The following CUBN variants were observed in gnomAD, a reference collection of about 807,000 sequenced individuals.
CUBN encodes the protein 460 kDa receptor.
Under a neutral mutation model 405.3 loss-of-function variants are expected in CUBN, and 282 were observed. The observed-to-expected ratio is 0.70, with a 90% CI of 0.63 to 0.77. The LOEUF (loss-of-function observed/expected upper bound fraction) is 0.77. CUBN is among the 30% of genes least tolerant of loss of function. The pLI is 0.00. For missense variants in CUBN, 4,514 were observed against 4,475.2 expected, an observed-to-expected ratio of 1.01 and a Z score of -0.25; for synonymous variants, 1,684 against 1,617.0, an observed-to-expected ratio of 1.04 and a Z score of -0.99.
At position 16,890,518 on chromosome 10, in the gene CUBN, C is replaced by T. The variant is rs1233021969; in HGVS notation, c.8608G>A (p.Gly2870Arg). ...AGGGCTTTGTCCACCTCCTCAGTTCCTGCCCACACCTAGCACGGACATACA... is the reference window on the plus strand; with the variant it reads ...AGGGCTTTGTCCACCTCCTCAGTTCTTGCCCACACCTAGCACGGACATACA... ...CQNSFVKVWA[G>R]TEEVDKALLA... The change falls in exon 55 of 67, where the codon GGA becomes AGA. Residue 2870 changes from glycine (G) to arginine (R), a missense_variant. This residue lies in a region of CUBN where 1,186 missense variants were observed against 1,186.9 expected (regional missense o/e 1.00). Coordinates refer to ENST00000377833, the MANE Select transcript of CUBN (RefSeq NM_001081.4). 5 of 1,614,172 alleles carry T rather than the reference C, an allele frequency of 3.1e-6. No individual in the cohort carries two copies. Among genetic ancestry groups the T allele is most frequent in the Non-Finnish European group, 4.2e-6 (5 of 1,180,012 alleles).
At chr10:16,857,932 T>C (rs1343131047) in intron 59 of CUBN, among the ~76,000 whole-genome samples, 5 of 152,120 alleles carry the variant, frequency 3.3e-5, no homozygotes, top group African/African-American at 9.7e-5. Context: ...TGGAAAAACA[T>C]TCTTAGAACT....
intron 27 of CUBN, among the ~76,000 whole-genome samples, chr10:17,025,881 T>C (rs931416973): frequency 6.6e-6 from 1 of 151,972 alleles, no homozygotes; most frequent in East Asian, 1.9e-4. Context: ...GCATGCTGTG[T>C]GTGTGGAAGG....
At position 16,937,837 on chromosome 10, in the gene CUBN, A is replaced by G. The variant is rs549712909; in HGVS notation, c.5734-53T>C. 29 of 1,514,172 alleles carry G rather than the reference A, an allele frequency of 1.9e-5. No individual in the cohort carries two copies. The East Asian group carries it at 3.7e-4, about 19-fold the overall frequency. 93.8% of individuals were successfully genotyped at this position (1,514,172 alleles called of 1,614,324 possible). A position where few individuals can be genotyped will look rare whatever the true frequency, so the allele number is the denominator to read the frequency against. ...TTGTATTATCTATATTTTTCTTCATAAAAAGATAAAATAAAAAAGATGCCT... is the reference window on the plus strand; with the variant it reads ...TTGTATTATCTATATTTTTCTTCATGAAAAGATAAAATAAAAAAGATGCCT... On this transcript the variant is annotated intron_variant, in intron 38 of 66. Transcript: ENST00000377833.
At chr10:17,085,489 G>A (rs1007467410) in intron 16 of CUBN, 108 bp downstream of exon 16, 5 of 1,133,088 alleles carry the variant, frequency 4.4e-6, no homozygotes, top group African/African-American at 1.5e-5. Context: ...AATGTTCTTG[G>A]TCTAAGACAG....
At chr10:17,087,466 C>CTTCT (rs1836139876) in intron 15 of CUBN, among the ~76,000 whole-genome samples, 1 of 79,772 alleles carries the variant, frequency 1.3e-5, no homozygotes, top group East Asian at 3.8e-4. Context: ...TATTATTTTT[C>CTTCT]TTTTTCTTTT....
At chr10:17,087,531 A>T (rs1346539055) in intron 15 of CUBN, among the ~76,000 whole-genome samples, 1 of 126,358 alleles carries the variant, frequency 7.9e-6, no homozygotes, top group African/African-American at 2.9e-5. Flanking sequence ...GCTGGAGTGC[A>T]GTGGCACGAT....
chr10:17,003,071 A>C lies in CUBN; in HGVS notation c.4169-12556T>G, dbSNP rs1588570457. ...AAACAGGATGGGATATAGCATGTAT[A>C]AATGTGAGAGAAAGAATAGTCAGCA... On this transcript the variant is annotated intron_variant, in intron 28 of 66. Coordinates refer to ENST00000377833, the MANE Select transcript of CUBN (RefSeq NM_001081.4). 5.3e-5 allele frequency among the ~76,000 whole-genome samples: 8 copies of C among 152,328 alleles called. 1 individual carries two copies. Among genetic ancestry groups the C allele is most frequent in the Admixed American group, 5.2e-4 (8 of 15,300 alleles).
In CUBN at chr10:16,984,255, A is replaced by C. The variant is rs886046875; in HGVS notation, c.4375T>G (p.Ser1459Ala). Reference protein sequence around the residue: ...LEIYGGPDFHSPRIAQLCTQR... With the variant: ...LEIYGGPDFHAPRIAQLCTQR... The stretch of plus-strand genomic sequence containing the variant: ...GTACACAGTTGGGCTATTCTGGGAG[A>C]GTGGAAATCGGGGCCTCCATAGATC... The change falls in exon 30 of 67, where the codon TCT becomes GCT. Residue 1459 changes from serine to alanine, a missense_variant. By Grantham distance (99) the Ser-to-Ala change is moderately conservative (BLOSUM62 1). Around this residue, in one of 5 missense-constraint regions of CUBN, gnomAD observed 1,613 missense variants for 1,542.8 expected, o/e 1.05. Coordinates refer to ENST00000377833, the MANE Select transcript of CUBN (RefSeq NM_001081.4). 15 of 1,613,952 alleles carry C rather than the reference A, an allele frequency of 9.3e-6. No homozygotes were observed. The highest frequency in any genetic ancestry group is 1.3e-5 in the Non-Finnish European group (15 of 1,180,016).
At chr10:17,067,263 T>C (rs1176088257) in intron 21 of CUBN, among the ~76,000 whole-genome samples, 2 of 152,112 alleles carry the variant, frequency 1.3e-5, no homozygotes, top group Non-Finnish European at 2.9e-5. Flanking sequence ...ATCTCACAGA[T>C]TTTTTAAGCT....
In CUBN at chr10:16,950,093, G is replaced by C. The variant is rs1464176870; in HGVS notation, c.4988C>G (p.Ser1663Cys). 6.2e-7 allele frequency: 1 copy of C among 1,613,554 alleles called. No individual in the cohort carries two copies. The highest frequency in any genetic ancestry group is 1.7e-5 in the Admixed American group (1 of 60,008). The change falls in exon 34 of 67, where the codon TCT becomes TGT. Residue 1663 changes from serine to cysteine, a missense_variant. Physicochemically the swap from Ser to Cys is moderately radical, Grantham distance 112. This residue lies in a region of CUBN where 1,613 missense variants were observed against 1,542.8 expected (regional missense o/e 1.05). Coordinates refer to ENST00000377833, the MANE Select transcript of CUBN (RefSeq NM_001081.4). ...TCTTTCAAGTTCAAAGTGGGTAAAA[G>C]AGAGGGTGATATGATTTACTGGAAG... ...AQPPLNHITL[S>C]FTHFELERST...
Position 17,065,129 on chromosome 10 carries a change from T to TCC in CUBN, c.3139+377_3139+378dup, listed in dbSNP as rs11368099. On this transcript the variant is annotated intron_variant, in intron 22 of 66. Coordinates refer to ENST00000377833, the MANE Select transcript of CUBN (RefSeq NM_001081.4). ...TTACTTTATCATTTCTCTCTCTCTC[T>TCC]CCCCCCCCCCCCACACACACATGCA... 1.1e-3 allele frequency among the ~76,000 whole-genome samples: 128 copies of TCC among 121,500 alleles called. 1 individual carries two copies. The East Asian group carries it at 0.013, about 12-fold the overall frequency. The allele number at this position is 121,500 out of a possible 152,430, so 79.7% of individuals were successfully genotyped here.
intron 29 of CUBN, among the ~76,000 whole-genome samples, chr10:16,984,564 T>G (rs1045841857): frequency 1.3e-5 from 2 of 152,180 alleles, no homozygotes; most frequent in African/African-American, 4.8e-5. Context: ...CTTCCCTATC[T>G]CCTCTTTTTG....
chr10:17,070,381 AGCTTATGTATTTTTT>A (rs1835712274), intron 19 of CUBN, among the ~76,000 whole-genome samples: 1 of 152,124 alleles, frequency 6.6e-6, no homozygotes, highest in Non-Finnish European at 1.5e-5. Context: ...TTTTACGATC[AGCTTATGTATTTTTT>A]TAAAAGAGCC....
intron 39 of CUBN, 42 bp downstream of exon 39, chr10:16,937,550 C>T (rs746047559): frequency 1.4e-5 from 22 of 1,548,126 alleles, no homozygotes; most frequent in Middle Eastern, 3.5e-4. Context: ...TTGGCCTGCA[C>T]ATATCAGTCC....
chr10:17,060,364 G>A (rs914344640), intron 22 of CUBN, among the ~76,000 whole-genome samples: 9 of 151,374 alleles, frequency 5.9e-5, no homozygotes, highest in African/African-American at 1.5e-4. Flanking sequence ...CAGGTGATCC[G>A]ACTGCCTCAG....
intron 22 of CUBN, among the ~76,000 whole-genome samples, chr10:17,056,717 A>T (rs1272299765): frequency 6.6e-6 from 1 of 152,172 alleles, no homozygotes; most frequent in Non-Finnish European, 1.5e-5. Flanking sequence ...AAGGGATAAA[A>T]GGATATATTG....
intron 25 of CUBN, among the ~76,000 whole-genome samples, chr10:17,044,513 C>T (rs891012875): frequency 3.9e-5 from 6 of 151,994 alleles, no homozygotes; most frequent in African/African-American, 1.2e-4. Context: ...TATTGTAATG[C>T]CACAGCTGAT....
intron 29 of CUBN, among the ~76,000 whole-genome samples, chr10:16,985,453 T>A (rs1833390500): frequency 6.6e-6 from 1 of 152,130 alleles, no homozygotes; most frequent in Non-Finnish European, 1.5e-5. Context: ...CATCGCCCAA[T>A]AAAATCCCCA....
chr10:16,902,258 AG>A (rs1841417528), intron 51 of CUBN, among the ~76,000 whole-genome samples: 1 of 138,430 alleles, frequency 7.2e-6, no homozygotes, highest in South Asian at 2.2e-4. Flanking sequence ...TTGTATATAT[AG>A]TATATATATA....
Sources: allele counts gnomAD v4.1 joint callset (sites outside exome capture counted in the v4.1 genomes callset), GRCh38; gene constraint gnomAD v4.1.1; regional missense constraint gnomAD v4.1.1; transcripts MANE v1.5; gene names NCBI Gene and HGNC (gene_info 2026-07-23, HGNC 2026-07-21).